The following ZMYND11 variants were observed in gnomAD, a reference collection of about 807,000 sequenced individuals.
The protein encoded by ZMYND11 is zinc finger MYND-type containing 11.
Under a neutral mutation model 84.9 loss-of-function variants are expected in ZMYND11, and 9 were observed. The ratio of observed to expected loss-of-function variants is 0.11; its 90% CI spans 0.06 to 0.18. ZMYND11 has a LOEUF of 0.18. ZMYND11 is among the 10% of genes least tolerant of loss of function. The pLI, the probability that ZMYND11 is intolerant of heterozygous loss-of-function variation, is 1.00. For missense variants in ZMYND11, 409 were observed against 761.0 expected (o/e 0.54, Z 5.44); for synonymous variants, 250 against 244.1 (o/e 1.02, Z -0.23).
chr10:219,643 C>T (rs561553505), intron 3 of ZMYND11, among the ~76,000 whole-genome samples: 4 of 152,230 alleles, frequency 2.6e-5, no homozygotes, highest in African/African-American at 7.2e-5. Context: ...TACAGCCAAG[C>T]GCCACACACA....
chr10:133,772 A>G (rs1197247017), upstream of ZMYND11, among the ~76,000 whole-genome samples: 1 of 152,162 alleles, frequency 6.6e-6, no homozygotes, highest in Non-Finnish European at 1.5e-5. Context: ...TAACCCCTCT[A>G]CTAAATTTTT....
chr10:215,620 C>T (rs1011579342), intron 3 of ZMYND11, among the ~76,000 whole-genome samples: 2 of 151,366 alleles, frequency 1.3e-5, no homozygotes, highest in Admixed American at 6.6e-5. Context: ...TACAGTGGCG[C>T]AATCATGGTT....
At chr10:170,826 A>G (rs1845153655) in intron 1 of ZMYND11, among the ~76,000 whole-genome samples, 1 of 152,166 alleles carries the variant, frequency 6.6e-6, no homozygotes, top group Non-Finnish European at 1.5e-5. Context: ...CAAACATGGT[A>G]GATATTAATC....
In ZMYND11 at chr10:217,378, C is replaced by T. The variant is rs184761397; in HGVS notation, c.277-3817C>T. 3.0e-3 allele frequency among the ~76,000 whole-genome samples: 455 copies of T among 152,164 alleles called. No homozygotes were observed. In the Middle Eastern group the frequency reaches 0.031, roughly 10 times the overall value. On this transcript the variant is annotated intron_variant, in intron 3 of 14. Transcript: ENST00000381604. The stretch of plus-strand genomic sequence containing the variant: ...TCTACTAAAAACACAAAAAAATTAG[C>T]TGGGTATGGTGGCGCACGCCTGTAA...
rs1327141268 is a variant in ZMYND11, at chr10:239,476, C to G, written c.648C>G (p.Phe216Leu). 1 of 1,613,568 alleles carries G rather than the reference C, an allele frequency of 6.2e-7. No individual in the cohort carries two copies. Residue 216 changes from phenylalanine to leucine, a missense_variant, in exon 7 of 15, where the codon TTC (phenylalanine) becomes TTG (leucine). This residue lies in a region of ZMYND11 where 59 missense variants were observed against 151.0 expected (regional missense o/e 0.39). Transcript: ENST00000381604. ...GGAAATACCGAAGTTATGAAGAGTT[C>G]AAAGCTGATGCCCAATTGCTTCTCC... ...NEGKYRSYEE[F>L]KADAQLLLHN... is the part of the protein sequence containing the mutation.
intron 2 of ZMYND11, among the ~76,000 whole-genome samples, chr10:194,617 T>G (rs1005820583): frequency 3.3e-5 from 5 of 152,232 alleles, no homozygotes; most frequent in African/African-American, 1.2e-4. Context: ...GTCATTCCGC[T>G]CGATTTATAC....
intron 10 of ZMYND11, chr10:244,391 G>A (rs914565780): frequency 4.6e-5 from 7 of 152,280 alleles, no homozygotes; most frequent in East Asian, 3.9e-4. Context: ...TATGCTGCTC[G>A]TCGGAGACAA....
At chr10:139,704 C>CT (rs67915368) in intron 1 of ZMYND11, among the ~76,000 whole-genome samples, 32,464 of 80,536 alleles carry the variant, frequency 0.4, 5,272 homozygotes, top group South Asian at 0.53. Flanking sequence ...ACACATGGTC[C>CT]TTTTTTTTTT....
At chr10:227,636 G>A (rs1452138456) in intron 4 of ZMYND11, among the ~76,000 whole-genome samples, 1 of 152,210 alleles carries the variant, frequency 6.6e-6, no homozygotes, top group Non-Finnish European at 1.5e-5. Flanking sequence ...TATGTAGGCA[G>A]TACAGTCTTT....
intron 1 of ZMYND11, among the ~76,000 whole-genome samples, chr10:167,297 A>C (rs1463156939): frequency 6.6e-6 from 1 of 152,068 alleles, no homozygotes; most frequent in Non-Finnish European, 1.5e-5. Context: ...TGTTCCAAAA[A>C]CCACTGAATT....
At chr10:155,912 C>A (rs541325587) in intron 1 of ZMYND11, among the ~76,000 whole-genome samples, 1 of 152,272 alleles carries the variant, frequency 6.6e-6, no homozygotes, top group South Asian at 2.1e-4. Context: ...ACAAGGGAAT[C>A]CTTTGAGAAA....
intron 1 of ZMYND11, among the ~76,000 whole-genome samples, chr10:140,137 G>A (rs1837171773): frequency 6.6e-6 from 1 of 152,074 alleles, no homozygotes; most frequent in Non-Finnish European, 1.5e-5. Context: ...AGAAACAGAA[G>A]AGAAGTGGGT....
chr10:161,080 G>A (rs1216174907), intron 1 of ZMYND11, among the ~76,000 whole-genome samples: 2 of 150,588 alleles, frequency 1.3e-5, no homozygotes, highest in African/African-American at 4.9e-5. Flanking sequence ...TCCTGCCTCG[G>A]CCTCCCAAAG....
At chr10:201,585 T>C (rs1370519749) in intron 2 of ZMYND11, among the ~76,000 whole-genome samples, 1 of 146,064 alleles carries the variant, frequency 6.8e-6, no homozygotes, top group Non-Finnish European at 1.5e-5. Context: ...TACCATGAAA[T>C]ACACACACAC....
At chr10:180,453 G>C (rs984978083) in intron 2 of ZMYND11, among the ~76,000 whole-genome samples, 1 of 152,194 alleles carries the variant, frequency 6.6e-6, no homozygotes. Flanking sequence ...AGGCTGGAGT[G>C]TGGTGACCCG....
intron 4 of ZMYND11, 97 bp from the exon 5 acceptor site, chr10:236,741 G>C: frequency 2.0e-6 from 2 of 1,023,520 alleles, no homozygotes; most frequent in Non-Finnish European, 2.9e-6. Flanking sequence ...TAAACTCTTT[G>C]CATACTATCT....
chr10:223,381 A>AT (rs2131456810), intron 4 of ZMYND11, among the ~76,000 whole-genome samples: 1 of 152,210 alleles, frequency 6.6e-6, no homozygotes, highest in South Asian at 2.1e-4. Flanking sequence ...AATTTAAAAA[A>AT]TTTTTACACT....
At chr10:207,417 G>A (rs937732353) in intron 2 of ZMYND11, among the ~76,000 whole-genome samples, 1 of 152,208 alleles carries the variant, frequency 6.6e-6, no homozygotes, top group African/African-American at 2.4e-5. Flanking sequence ...TCGCCACACT[G>A]TCTTCCACAA....
chr10:190,228 C>T (rs1011102150), intron 2 of ZMYND11, among the ~76,000 whole-genome samples: 10 of 152,118 alleles, frequency 6.6e-5, no homozygotes, highest in African/African-American at 1.9e-4. Flanking sequence ...TTTTCCAGCC[C>T]CTAGCTTTGC....
Sources: allele counts gnomAD v4.1 joint callset (sites outside exome capture counted in the v4.1 genomes callset), GRCh38; gene constraint gnomAD v4.1.1; regional missense constraint gnomAD v4.1.1; transcripts MANE v1.5; gene names NCBI Gene and HGNC (gene_info 2026-07-23, HGNC 2026-07-21).